The following GAB2 variants were observed in gnomAD, a reference collection of about 807,000 sequenced individuals.
GAB2 encodes the protein GRB2 associated binding protein 2, also known as GRB2-associated-binding protein 2.
A neutral mutation model predicts 65.5 loss-of-function variants in GAB2; 26 were observed. That is an observed-to-expected ratio of 0.40 (90% CI 0.29 to 0.55). The LOEUF (loss-of-function observed/expected upper bound fraction) is 0.55, where lower values mean the gene tolerates loss of function less well. Among genes scored for constraint, GAB2 ranks in the 20% least tolerant of loss-of-function variants. The pLI is 0.53. For missense variants in GAB2, 884 were observed against 875.8 expected (o/e 1.01, Z -0.12); for synonymous variants, 321 against 329.6 (o/e 0.97, Z 0.28).
chr11:78,372,018 T>G (rs1330728352), intron 1 of GAB2, among the ~76,000 whole-genome samples: 1 of 152,126 alleles, frequency 6.6e-6, no homozygotes, highest in Non-Finnish European at 1.5e-5. Context: ...TATAAACTAT[T>G]ACTCGTATGG....
chr11:78,294,024 C>G (rs11237441), intron 1 of GAB2, among the ~76,000 whole-genome samples: 31,651 of 151,818 alleles, frequency 0.21, 3,543 homozygotes, highest in East Asian at 0.4. Flanking sequence ...CCAGTAACTC[C>G]TCATTTAGCA....
Position 78,280,633 on chromosome 11 carries a change from A to G in GAB2, c.344T>C (p.Ile115Thr). The G allele has an allele frequency of 6.2e-7, 1 of 1,614,140 alleles. No homozygotes were observed. Among genetic ancestry groups the G allele is most frequent in the Non-Finnish European group, 8.5e-7 (1 of 1,180,012 alleles). Residue 115 changes from isoleucine (I) to threonine (T), a missense_variant, in exon 2 of 10, where the codon ATC (isoleucine) becomes ACC (threonine). Ile to Thr is a moderately conservative substitution (Grantham distance 89). Coordinates refer to ENST00000361507, the MANE Select transcript of GAB2 (RefSeq NM_080491.3). ...MNKWVQSICQ[I>T]CGFNQAEEST... ...CTCCTCAGCCTGATTGAAGCCACAGATCTGGCAGATGCTCTGGACCCACTT... is the reference window on the plus strand; with the variant it reads ...CTCCTCAGCCTGATTGAAGCCACAGGTCTGGCAGATGCTCTGGACCCACTT...
At chr11:78,371,045 G>A (rs1046552506) in intron 1 of GAB2, among the ~76,000 whole-genome samples, 7 of 152,164 alleles carry the variant, frequency 4.6e-5, no homozygotes, top group African/African-American at 1.7e-4. Context: ...CCCTCACAGA[G>A]GGAAGATGAG....
chr11:78,307,604 TAGAGAGAGAGAGAG>T (rs59402607), intron 1 of GAB2, among the ~76,000 whole-genome samples: 17 of 121,884 alleles, frequency 1.4e-4, no homozygotes, highest in Admixed American at 1.3e-3. Context: ...CAAAAAATGT[TAGAGAGAGAGAGAG>T]AGAGAGAGAG....
Position 78,250,296 on chromosome 11 carries a change from G to A in GAB2, c.481C>T (p.Pro161Ser), listed in dbSNP as rs756053087. Residue 161 changes from proline to serine, a missense_variant, in exon 3 of 10, where the codon CCA becomes TCA. By Grantham distance (74) the Pro-to-Ser change is moderately conservative. Transcript: ENST00000361507. ...HLLRERKSSA[P>S]SHSSQPTLFT... is the part of the protein sequence containing the mutation. ...AGAGTTGGCTGGCTGGAGTGTGATG[G>A]GGCTGAGGACTTGCGCTCTCGGAGA... The A allele has an allele frequency of 1.9e-6, 3 of 1,613,734 alleles. No individual in the cohort carries two copies. The highest frequency in any genetic ancestry group is 2.5e-6 in the Non-Finnish European group (3 of 1,179,954).
intron 1 of GAB2, among the ~76,000 whole-genome samples, chr11:78,408,425 A>T (rs1204234954): frequency 6.6e-6 from 1 of 152,266 alleles, no homozygotes; most frequent in Admixed American, 6.5e-5. Flanking sequence ...ATATAGATAA[A>T]TCAAAATGGA....
intron 1 of GAB2, among the ~76,000 whole-genome samples, chr11:78,391,525 C>T (rs1474598644): frequency 1.3e-5 from 2 of 152,182 alleles, no homozygotes; most frequent in African/African-American, 2.4e-5. Flanking sequence ...TCTTGGAGCC[C>T]TTAAGCACCA....
chr11:78,351,436 G>A (rs960819345), intron 1 of GAB2, among the ~76,000 whole-genome samples: 8 of 152,122 alleles, frequency 5.3e-5, no homozygotes, highest in Non-Finnish European at 1.0e-4. Context: ...GTGGCCCTGG[G>A]TCTTTGTTTA....
rs115159747 is a variant in GAB2, at chr11:78,259,907, C to T, written c.377-9507G>A. 5.6e-3 allele frequency among the ~76,000 whole-genome samples: 857 copies of T among 152,268 alleles called. 4 individuals are homozygous for T. Among genetic ancestry groups the T allele is most frequent in the African/African-American group, 0.019 (805 of 41,550 alleles). On this transcript the variant is annotated intron_variant, in intron 2 of 9. Transcript: ENST00000361507. ...ATCGCTATGAATGAAGATGTACTCT[C>T]TGTAATGTGGGCCTGGGGGCAGGAG...
intron 1 of GAB2, among the ~76,000 whole-genome samples, chr11:78,369,060 C>T (rs1218007692): frequency 1.3e-5 from 2 of 151,448 alleles, no homozygotes; most frequent in Admixed American, 6.6e-5. Context: ...ATCACTTGAG[C>T]CCAGGAGGTC....
intron 3 of GAB2, among the ~76,000 whole-genome samples, chr11:78,241,858 G>A (rs1865144745): frequency 6.6e-6 from 1 of 152,218 alleles, no homozygotes; most frequent in Non-Finnish European, 1.5e-5. Context: ...TATAATCATA[G>A]TTGGAGACTT....
chr11:78,366,059 CAT>C (rs1488732809), intron 1 of GAB2, among the ~76,000 whole-genome samples: 3 of 152,182 alleles, frequency 2.0e-5, no homozygotes, highest in Non-Finnish European at 2.9e-5. Context: ...AATGAATATA[CAT>C]ATGTTTTATA....
At chr11:78,375,341 T>A (rs925520718) in intron 1 of GAB2, among the ~76,000 whole-genome samples, 1 of 152,216 alleles carries the variant, frequency 6.6e-6, no homozygotes, top group Non-Finnish European at 1.5e-5. Context: ...TTGTATTTTT[T>A]TTAGTCTGGG....
At chr11:78,220,613 A>G (rs1168579837) in intron 8 of GAB2, among the ~76,000 whole-genome samples, 169 bp from the exon 9 acceptor site, 1 of 152,150 alleles carries the variant, frequency 6.6e-6, no homozygotes, top group Non-Finnish European at 1.5e-5. Context: ...ACAATCCTGT[A>G]AGGTAGGTAT....
chr11:78,407,836 T>C (rs1305051825), intron 1 of GAB2, among the ~76,000 whole-genome samples: 8 of 151,806 alleles, frequency 5.3e-5, no homozygotes, highest in Admixed American at 3.9e-4. Context: ...GGGAAAGCAA[T>C]TGGAAAGACC....
At chr11:78,415,255 C>T (rs1418840633) in intron 1 of GAB2, among the ~76,000 whole-genome samples, 3 of 152,110 alleles carry the variant, frequency 2.0e-5, no homozygotes, top group East Asian at 1.9e-4. Context: ...CACATATGCT[C>T]GATGTATTCT....
intron 3 of GAB2, among the ~76,000 whole-genome samples, chr11:78,239,096 A>G (rs374299113): frequency 3.8e-4 from 57 of 151,830 alleles, no homozygotes; most frequent in African/African-American, 1.3e-3. Context: ...CATTTCTATT[A>G]AGAAAAAAAA....
chr11:78,329,081 A>G (rs371001810), intron 1 of GAB2, among the ~76,000 whole-genome samples: 3 of 152,356 alleles, frequency 2.0e-5, no homozygotes, highest in Non-Finnish European at 2.9e-5. Context: ...AGACAAATAG[A>G]TAAGTGATAC....
chr11:78,381,338 T>C (rs1409161336), intron 1 of GAB2, among the ~76,000 whole-genome samples: 1 of 152,206 alleles, frequency 6.6e-6, no homozygotes, highest in Non-Finnish European at 1.5e-5. Flanking sequence ...CTAATACATA[T>C]AAAGCACTTA....
Sources: gnomAD v4.1 joint callset for allele counts (sites outside exome capture counted in the v4.1 genomes callset) on GRCh38, gnomAD v4.1.1 for gene constraint, MANE v1.5 for transcripts, NCBI Gene and HGNC (gene_info 2026-07-23, HGNC 2026-07-21) for gene names.